The following CERS6 variants were observed in gnomAD, a reference collection of about 807,000 sequenced individuals.
The protein encoded by CERS6 is LAG1 homolog, ceramide synthase 6.
CERS6 carries 26 observed loss-of-function variants against 56.8 expected under a neutral mutation model. The observed-to-expected ratio is 0.46, with a 90% CI of 0.34 to 0.63. The LOEUF (loss-of-function observed/expected upper bound fraction) is 0.63. Ranked by LOEUF, CERS6 falls within the 30% of genes least tolerant of loss-of-function variation. The pLI is 0.01. For synonymous variants in CERS6, 164 were observed against 173.3 expected (o/e 0.95, Z 0.42); for missense variants, 415 against 467.5 (o/e 0.89, Z 1.04).
At chr2:168,732,259 T>A (rs1683562734) in intron 8 of CERS6, among the ~76,000 whole-genome samples, 1 of 152,320 alleles carries the variant, frequency 6.6e-6, no homozygotes, top group South Asian at 2.1e-4. Context: ...TGGTAATCAT[T>A]CCTTTCCTTG....
intron 4 of CERS6, among the ~76,000 whole-genome samples, chr2:168,674,405 G>A (rs1382562105): frequency 6.6e-6 from 1 of 152,122 alleles, no homozygotes; most frequent in Non-Finnish European, 1.5e-5. Context: ...TTAACAAAAA[G>A]AGTCTTCCCA....
rs776193867 is a variant in CERS6, at chr2:168,769,687, C to G, written c.*25C>G. On this transcript the variant is annotated 3_prime_UTR_variant, in exon 10 of 10. Coordinates refer to ENST00000305747, the MANE Select transcript of CERS6 (RefSeq NM_203463.3). ...ATTACTCAAAACTACAAGTCCCAAG[C>G]AAAGTGAACTATTTGTTCCTGGAAG... 1.2e-5 allele frequency: 20 copies of G among 1,604,538 alleles called. No individual in the cohort carries two copies. The highest frequency in any genetic ancestry group is 1.6e-5 in the Non-Finnish European group (19 of 1,176,216).
intron 2 of CERS6, among the ~76,000 whole-genome samples, chr2:168,557,136 C>G (rs1695697589): frequency 6.6e-6 from 1 of 151,958 alleles, no homozygotes; most frequent in African/African-American, 2.4e-5. Context: ...CTGTACCCAG[C>G]CTGGGCAAGA....
At chr2:168,651,587 A>G (rs965714414) in intron 4 of CERS6, among the ~76,000 whole-genome samples, 1 of 152,212 alleles carries the variant, frequency 6.6e-6, no homozygotes, top group African/African-American at 2.4e-5. Flanking sequence ...GCAAAGGAGA[A>G]GTAAGGCACA....
At chr2:168,678,488 T>C (rs1686124896) in intron 4 of CERS6, among the ~76,000 whole-genome samples, 1 of 152,204 alleles carries the variant, frequency 6.6e-6, no homozygotes. Context: ...TGGTTTATTG[T>C]TTTAAGTCCA....
At chr2:168,561,922 A>C (rs1695797180) in intron 3 of CERS6, among the ~76,000 whole-genome samples, 1 of 152,232 alleles carries the variant, frequency 6.6e-6, no homozygotes, top group Non-Finnish European at 1.5e-5. Context: ...CTCTTCCAGC[A>C]CAGTGATATT....
At chr2:168,526,430 G>C (rs1421857508) in intron 1 of CERS6, among the ~76,000 whole-genome samples, 1 of 152,186 alleles carries the variant, frequency 6.6e-6, no homozygotes, top group South Asian at 2.1e-4. Context: ...AGAAAAGCTG[G>C]TTATTAATAG....
Position 168,631,055 on chromosome 2 carries a change from A to G in CERS6, c.465+13A>G. The stretch of plus-strand genomic sequence containing the variant: ...ATTCCTGAAAAAGGTAGGATCTCTC[A>G]AACTATTTTACATGATTCTTATGTA... On this transcript the variant is annotated intron_variant, in intron 4 of 9. Coordinates refer to ENST00000305747, the MANE Select transcript of CERS6 (RefSeq NM_203463.3). 1 of 1,391,290 alleles carries G rather than the reference A, an allele frequency of 7.2e-7. No individual in the cohort carries two copies. The allele number at this position is 1,391,290 out of a possible 1,614,324, so 86.2% of individuals were successfully genotyped here.
chr2:168,680,890 T>C (rs745960958), intron 4 of CERS6, among the ~76,000 whole-genome samples: 5 of 152,218 alleles, frequency 3.3e-5, no homozygotes, highest in Non-Finnish European at 5.9e-5. Flanking sequence ...CAGCACAAAG[T>C]GGACCAAGTG....
At chr2:168,631,498 TTAATA>T (rs1385690834) in intron 4 of CERS6, among the ~76,000 whole-genome samples, 3 of 122,550 alleles carry the variant, frequency 2.4e-5, no homozygotes, top group African/African-American at 9.3e-5. Flanking sequence ...AAACTATATA[TTAATA>T]TAATATATAT....
intron 8 of CERS6, among the ~76,000 whole-genome samples, chr2:168,753,101 A>G (rs1216789804): frequency 3.9e-5 from 6 of 152,204 alleles, no homozygotes; most frequent in African/African-American, 1.4e-4. Context: ...ATCTTGTCTT[A>G]GGCTTTTATT....
intron 3 of CERS6, among the ~76,000 whole-genome samples, chr2:168,629,653 G>A (rs1684666633): frequency 6.6e-6 from 1 of 152,106 alleles, no homozygotes; most frequent in Admixed American, 6.5e-5. Flanking sequence ...ATTAAATCAA[G>A]CATGAAGTCT....
intron 1 of CERS6, among the ~76,000 whole-genome samples, chr2:168,462,264 A>G (rs1359222881): frequency 1.3e-5 from 2 of 151,944 alleles, no homozygotes; most frequent in African/African-American, 4.8e-5. Context: ...GGAGTTCCAG[A>G]TTGTATGTCT....
At chr2:168,648,199 C>T (rs1440021402) in intron 4 of CERS6, among the ~76,000 whole-genome samples, 1 of 151,930 alleles carries the variant, frequency 6.6e-6, no homozygotes. Flanking sequence ...TTTCAGAGCT[C>T]GTTACTGGTC....
At chr2:168,624,539 T>C (rs939636902) in intron 3 of CERS6, among the ~76,000 whole-genome samples, 3 of 152,114 alleles carry the variant, frequency 2.0e-5, no homozygotes, top group Non-Finnish European at 4.4e-5. Context: ...ACTCTTGTGA[T>C]GGTATCAGGT....
chr2:168,624,752 G>T (rs1335508853), intron 3 of CERS6, among the ~76,000 whole-genome samples: 1 of 152,054 alleles, frequency 6.6e-6, no homozygotes, highest in Non-Finnish European at 1.5e-5. Flanking sequence ...CTCATTGGAA[G>T]GTTTTTATAA....
intron 1 of CERS6, among the ~76,000 whole-genome samples, chr2:168,523,664 C>T (rs186409023): frequency 1.3e-4 from 20 of 152,106 alleles, no homozygotes; most frequent in South Asian, 4.2e-4. Flanking sequence ...CAGTGTCAAG[C>T]AGGTGACAAA....
intron 6 of CERS6, among the ~76,000 whole-genome samples, chr2:168,696,804 G>T (rs1467810285): frequency 1.3e-5 from 2 of 152,194 alleles, no homozygotes; most frequent in African/African-American, 4.8e-5. Context: ...CACTTTGGGG[G>T]TTAGAGTTTC....
At chr2:168,554,653 A>G (rs1392571011) in intron 2 of CERS6, among the ~76,000 whole-genome samples, 2 of 152,214 alleles carry the variant, frequency 1.3e-5, no homozygotes, top group Non-Finnish European at 2.9e-5. Context: ...GAACCATGAG[A>G]CTATACACTT....
Sources: allele counts gnomAD v4.1 joint callset (sites outside exome capture counted in the v4.1 genomes callset), GRCh38; gene constraint gnomAD v4.1.1; transcripts MANE v1.5; gene names NCBI Gene and HGNC (gene_info 2026-07-23, HGNC 2026-07-21).